The following NRP1 variants were observed in gnomAD, a reference collection of about 807,000 sequenced individuals.
NRP1 encodes neuropilin-1.
Under a neutral mutation model 106.7 loss-of-function variants are expected in NRP1, and 35 were observed. That is an observed-to-expected ratio of 0.33 (90% CI 0.25 to 0.43). NRP1 has a LOEUF of 0.43. Among genes scored for constraint, NRP1 ranks in the 20% least tolerant of loss-of-function variants. The pLI is 1.00. For missense variants in NRP1, 1,024 were observed against 1,170.4 expected, an observed-to-expected ratio of 0.87 and a Z score of 1.83; for synonymous variants, 437 against 417.9, an observed-to-expected ratio of 1.05 and a Z score of -0.56.
At chr10:33,196,169 A>AT (rs112305560) in intron 12 of NRP1, among the ~76,000 whole-genome samples, 24 of 151,854 alleles carry the variant, frequency 1.6e-4, no homozygotes, top group African/African-American at 5.1e-4. Flanking sequence ...GTTCACTTTT[A>AT]TTTTTTTTAA....
intron 15 of NRP1, among the ~76,000 whole-genome samples, chr10:33,184,924 A>G (rs1835906727): frequency 6.6e-6 from 1 of 152,236 alleles, no homozygotes; most frequent in Non-Finnish European, 1.5e-5. Flanking sequence ...GATGTATAAC[A>G]AAAGTTTCAA....
chr10:33,189,249 T>C (rs977913125), intron 13 of NRP1, among the ~76,000 whole-genome samples: 4 of 152,132 alleles, frequency 2.6e-5, no homozygotes, highest in Non-Finnish European at 5.9e-5. Flanking sequence ...GTCAATCTCA[T>C]TAGGCAAGGA....
intron 2 of NRP1, among the ~76,000 whole-genome samples, chr10:33,276,045 A>T (rs1009005402): frequency 1.3e-5 from 2 of 152,382 alleles, no homozygotes; most frequent in East Asian, 3.9e-4. Flanking sequence ...TCTTATTCAT[A>T]TGCAGAAAAA....
chr10:33,197,057 C>T (rs879433481), intron 12 of NRP1, among the ~76,000 whole-genome samples: 12 of 152,144 alleles, frequency 7.9e-5, no homozygotes, highest in African/African-American at 2.2e-4. Context: ...ACCGTTTAAC[C>T]GTGACTGGCC....
At chr10:33,213,193 G>T (rs1054463268) in intron 9 of NRP1, 193 bp downstream of exon 9, 4 of 1,452,644 alleles carry the variant, frequency 2.8e-6, no homozygotes, top group Non-Finnish European at 3.7e-6. Flanking sequence ...TCTTTTGCAT[G>T]TTATCTCAGA....
intron 2 of NRP1, among the ~76,000 whole-genome samples, chr10:33,283,753 A>C (rs1181655140): frequency 6.6e-6 from 1 of 152,220 alleles, no homozygotes; most frequent in South Asian, 2.1e-4. Flanking sequence ...CTCATGATTT[A>C]TATGGACCTT....
chr10:33,334,013 T>G (rs910690899), intron 1 of NRP1, among the ~76,000 whole-genome samples: 7 of 152,198 alleles, frequency 4.6e-5, no homozygotes, highest in African/African-American at 1.7e-4. Flanking sequence ...GAGGAAACAT[T>G]ATTAAGATAA....
At chr10:33,260,872 C>A (rs772573745) in intron 4 of NRP1, among the ~76,000 whole-genome samples, 3 of 151,798 alleles carry the variant, frequency 2.0e-5, no homozygotes, top group African/African-American at 7.3e-5. Flanking sequence ...AAGCCTTCCA[C>A]GCCTTCTGGT....
In NRP1 at chr10:33,264,528, G is replaced by A. The variant is rs534343508; in HGVS notation, c.431-655C>T. Among the ~76,000 whole-genome samples the A allele has an allele frequency of 4.0e-4, 61 of 152,294 alleles. No individual in the cohort carries two copies. The South Asian group carries it at 4.8e-3, about 12-fold the overall frequency. Reference sequence around the variant, plus strand: ...ATGCCGGAAGTCACCTGATATCAATGCTGACATCCTAACCTTCCCCGAAGT... The same window carrying A: ...ATGCCGGAAGTCACCTGATATCAATACTGACATCCTAACCTTCCCCGAAGT... On this transcript the variant is annotated intron_variant, in intron 3 of 16. Transcript: ENST00000374867.
At chr10:33,267,070 C>A (rs1194709001) in intron 3 of NRP1, among the ~76,000 whole-genome samples, 1 of 152,048 alleles carries the variant, frequency 6.6e-6, no homozygotes, top group Non-Finnish European at 1.5e-5. Context: ...TGTAGCACCT[C>A]CCCTCCCCTC....
At position 33,186,857 on chromosome 10, in the gene NRP1, C is replaced by CTTATTTAT. The variant is rs201603765; in HGVS notation, c.2063-377_2063-370dup. Among the ~76,000 whole-genome samples, 27 of 151,290 alleles carry CTTATTTAT rather than the reference C, an allele frequency of 1.8e-4. 1 individual carries two copies. The highest frequency in any genetic ancestry group is 1.7e-3 in the South Asian group (8 of 4,780). On this transcript the variant is annotated intron_variant, in intron 13 of 16. Transcript: ENST00000374867. ...GAAAACTCCTGGCTCTTAGAGAAAC[C>CTTATTTAT]TTATTTATTTATTTATTTATTATGT...
intron 6 of NRP1, among the ~76,000 whole-genome samples, chr10:33,236,302 T>C (rs1414678666): frequency 6.6e-6 from 1 of 152,246 alleles, no homozygotes; most frequent in African/African-American, 2.4e-5. Context: ...TATGTATACA[T>C]GGGATGAAAA....
Position 33,210,506 on chromosome 10 carries a change from A to G in NRP1, c.1615-2790T>C, listed in dbSNP as rs566421433. Reference sequence around the variant, plus strand: ...AAAAGCTGTCAGTGCAGAGCTGGGAAGAATATTAGCAATGAAAACCCATAT... The same window carrying G: ...AAAAGCTGTCAGTGCAGAGCTGGGAGGAATATTAGCAATGAAAACCCATAT... On this transcript the variant is annotated intron_variant, in intron 9 of 16. Transcript: ENST00000374867. Among the ~76,000 whole-genome samples, 16 of 152,368 alleles carry G rather than the reference A, an allele frequency of 1.1e-4. No homozygotes were observed. The East Asian group carries it at 3.1e-3, about 29-fold the overall frequency.
chr10:33,244,630 G>T (rs769647068), intron 6 of NRP1, among the ~76,000 whole-genome samples: 21 of 152,048 alleles, frequency 1.4e-4, no homozygotes, highest in Non-Finnish European at 1.8e-4. Context: ...TTGCTATTTA[G>T]GTTACAGAAG....
chr10:33,289,775 G>A (rs1391649690), intron 2 of NRP1, among the ~76,000 whole-genome samples: 3 of 152,146 alleles, frequency 2.0e-5, no homozygotes, highest in Non-Finnish European at 4.4e-5. Context: ...AGCATCAAAA[G>A]GTTTGCTACG....
At chr10:33,308,843 A>T (rs1003029758) in intron 2 of NRP1, among the ~76,000 whole-genome samples, 6 of 152,294 alleles carry the variant, frequency 3.9e-5, no homozygotes, top group African/African-American at 1.4e-4. Context: ...AGCAGAAAGA[A>T]TATATGCCAA....
At chr10:33,319,417 G>A (rs1364338109) in intron 2 of NRP1, among the ~76,000 whole-genome samples, 1 of 152,020 alleles carries the variant, frequency 6.6e-6, no homozygotes, top group East Asian at 1.9e-4. Context: ...ATGGACCAAT[G>A]AACAGGACAT....
At chr10:33,234,025 G>A (rs770795474) in intron 6 of NRP1, among the ~76,000 whole-genome samples, 8 of 152,102 alleles carry the variant, frequency 5.3e-5, no homozygotes, top group Non-Finnish European at 7.4e-5. Flanking sequence ...GAATGCAGTC[G>A]CTTTAGAGTT....
chr10:33,215,475 G>A (rs1403046813), intron 8 of NRP1, among the ~76,000 whole-genome samples: 2 of 152,206 alleles, frequency 1.3e-5, no homozygotes, highest in African/African-American at 2.4e-5. Context: ...CTGAGCACAA[G>A]GAGAGTATCA....
Sources: allele counts gnomAD v4.1 joint callset (sites outside exome capture counted in the v4.1 genomes callset), GRCh38; gene constraint gnomAD v4.1.1; transcripts MANE v1.5; gene names NCBI Gene and HGNC (gene_info 2026-07-23, HGNC 2026-07-21).